SLC35F4: variants seen among roughly 807,000 people sequenced by gnomAD.
The protein encoded by SLC35F4 is solute carrier family 35 member F4, also known as chromosome 14 open reading frame 36.
Under a neutral mutation model 44.2 loss-of-function variants are expected in SLC35F4, and 24 were observed. That is an observed-to-expected ratio of 0.54 (90% CI 0.39 to 0.76). The LOEUF (loss-of-function observed/expected upper bound fraction) is 0.76. Ranked by LOEUF, SLC35F4 falls within the 30% of genes least tolerant of loss-of-function variation. SLC35F4 has a pLI of 0.00. For synonymous variants in SLC35F4, 238 were observed against 223.6 expected (o/e 1.06, Z -0.57); for missense variants, 562 against 586.1 (o/e 0.96, Z 0.42).
intron 1 of SLC35F4, among the ~76,000 whole-genome samples, chr14:57,651,276 A>G (rs1594709099): frequency 6.6e-6 from 1 of 152,322 alleles, no homozygotes; most frequent in Middle Eastern, 3.4e-3. Flanking sequence ...TGCCAAATTT[A>G]TCAACATCAG....
chr14:57,650,481 C>T (rs1327442493), intron 1 of SLC35F4, among the ~76,000 whole-genome samples: 1 of 152,062 alleles, frequency 6.6e-6, no homozygotes, highest in Non-Finnish European at 1.5e-5. Flanking sequence ...ACTGATTTGC[C>T]CAAAACACAC....
intron 1 of SLC35F4, among the ~76,000 whole-genome samples, chr14:57,854,362 A>T (rs1886877693): frequency 6.6e-6 from 1 of 152,224 alleles, no homozygotes; most frequent in Non-Finnish European, 1.5e-5. Flanking sequence ...AGAAACATGT[A>T]AATACGTTTG....
chr14:57,858,547 G>A (rs2141004203), intron 1 of SLC35F4, among the ~76,000 whole-genome samples: 1 of 151,978 alleles, frequency 6.6e-6, no homozygotes, highest in Admixed American at 6.5e-5. Flanking sequence ...GGGGGAGTGG[G>A]GAGGGATAGC....
At chr14:57,941,380 T>A (rs1889913777) in intron 1 of SLC35F4, among the ~76,000 whole-genome samples, 1 of 152,214 alleles carries the variant, frequency 6.6e-6, no homozygotes, top group Admixed American at 6.5e-5. Context: ...TGATACATGC[T>A]GTAACAATAT....
intron 1 of SLC35F4, among the ~76,000 whole-genome samples, chr14:57,620,228 G>A (rs2072100735): frequency 6.6e-6 from 1 of 151,892 alleles, no homozygotes; most frequent in Non-Finnish European, 1.5e-5. Flanking sequence ...GCAACCCCAA[G>A]ACATAATTGT....
chr14:57,844,545 A>T (rs949841951), intron 1 of SLC35F4, among the ~76,000 whole-genome samples: 2 of 152,218 alleles, frequency 1.3e-5, no homozygotes, highest in African/African-American at 4.8e-5. Context: ...GTTCTCCTAT[A>T]CTGTGTCAGG....
intron 1 of SLC35F4, among the ~76,000 whole-genome samples, chr14:57,642,082 A>G (rs1416846050): frequency 6.6e-6 from 1 of 152,044 alleles, no homozygotes; most frequent in Non-Finnish European, 1.5e-5. Context: ...GAGATTCATT[A>G]GAGTTTAATT....
chr14:57,673,144 A>G (rs529374288), intron 1 of SLC35F4, among the ~76,000 whole-genome samples: 31 of 152,264 alleles, frequency 2.0e-4, no homozygotes, highest in African/African-American at 7.2e-4. Flanking sequence ...ATATTTCAAT[A>G]GGCCACTTTT....
intron 1 of SLC35F4, among the ~76,000 whole-genome samples, chr14:57,614,961 T>C (rs1464183800): frequency 1.3e-5 from 2 of 152,230 alleles, no homozygotes; most frequent in African/African-American, 4.8e-5. Context: ...AGAAATTCTA[T>C]GAAAATTTCA....
In SLC35F4 at chr14:57,688,276, A is replaced by G. The variant is rs1009020538; in HGVS notation, c.104-94152T>C. Among the ~76,000 whole-genome samples, 6 of 152,190 alleles carry G rather than the reference A, an allele frequency of 3.9e-5. No individual in the cohort carries two copies. In the East Asian group the frequency reaches 9.6e-4, roughly 24 times the overall value. ...GGTTAATTTTTTGTTCCTGACTACT[A>G]CGTACAGACATGTGGGACCTAATGT... On this transcript the variant is annotated intron_variant, in intron 1 of 7. Coordinates refer to ENST00000556826, the MANE Select transcript of SLC35F4 (RefSeq NM_001306087.2).
intron 1 of SLC35F4, among the ~76,000 whole-genome samples, chr14:57,609,117 G>A (rs2071342195): frequency 6.6e-6 from 1 of 152,146 alleles, no homozygotes; most frequent in Non-Finnish European, 1.5e-5. Context: ...AATCTGTTAT[G>A]CGGGAGGTAG....
intron 1 of SLC35F4, among the ~76,000 whole-genome samples, chr14:57,961,722 C>T (rs1009605233): frequency 6.6e-6 from 1 of 152,184 alleles, no homozygotes; most frequent in African/African-American, 2.4e-5. Flanking sequence ...GGAGGCCCAT[C>T]CCCTGGATCT....
At chr14:57,832,790 T>C (rs1361723202) in intron 1 of SLC35F4, among the ~76,000 whole-genome samples, 1 of 152,196 alleles carries the variant, frequency 6.6e-6, no homozygotes, top group Non-Finnish European at 1.5e-5. Flanking sequence ...ACATAGCAAT[T>C]GAAAATAGAA....
intron 1 of SLC35F4, among the ~76,000 whole-genome samples, chr14:57,665,780 A>C (rs914606937): frequency 2.6e-5 from 4 of 152,200 alleles, no homozygotes; most frequent in Non-Finnish European, 4.4e-5. Context: ...CATATACATC[A>C]TGGAATACTG....
At chr14:57,819,857 C>T (rs1016453810) in intron 1 of SLC35F4, among the ~76,000 whole-genome samples, 2 of 150,966 alleles carry the variant, frequency 1.3e-5, no homozygotes, top group African/African-American at 2.4e-5. Flanking sequence ...ACTAGCCCTA[C>T]TAAATACCAA....
chr14:57,937,609 A>AGAAAT (rs1889832469), intron 1 of SLC35F4, among the ~76,000 whole-genome samples: 1 of 74,698 alleles, frequency 1.3e-5, no homozygotes, highest in East Asian at 1.3e-3. Context: ...AGAAAAGAAA[A>AGAAAT]GAAAAGAAAA....
chr14:57,698,997 C>T (rs989056131), intron 1 of SLC35F4, among the ~76,000 whole-genome samples: 2 of 152,094 alleles, frequency 1.3e-5, no homozygotes, highest in Non-Finnish European at 2.9e-5. Context: ...GGAGAATTTG[C>T]TGTTTCATTG....
In SLC35F4 at chr14:57,639,195, TAC is replaced by T. The variant is rs1383337480; in HGVS notation, c.104-45073_104-45072del. Among the ~76,000 whole-genome samples, 5 of 152,200 alleles carry T rather than the reference TAC, an allele frequency of 3.3e-5. No individual in the cohort carries two copies. The East Asian group carries it at 5.8e-4, about 18-fold the overall frequency. On this transcript the variant is annotated intron_variant, in intron 1 of 7. Coordinates refer to ENST00000556826, the MANE Select transcript of SLC35F4 (RefSeq NM_001306087.2). ...ATTAGCTAAGTTAGATTAAGTCAAT[TAC>T]ACAGAGTCTGAGCTGACAAGAGATA...
At chr14:57,652,615 T>C (rs1234858218) in intron 1 of SLC35F4, among the ~76,000 whole-genome samples, 1 of 150,896 alleles carries the variant, frequency 6.6e-6, no homozygotes. Flanking sequence ...CAGCCTACAG[T>C]GCAGAGGATA....
Sources: allele counts gnomAD v4.1 joint callset (sites outside exome capture counted in the v4.1 genomes callset), GRCh38; gene constraint gnomAD v4.1.1; transcripts MANE v1.5; gene names NCBI Gene and HGNC (gene_info 2026-07-23, HGNC 2026-07-21).